SENP5: variants seen among roughly 807,000 people sequenced by gnomAD.
SENP5 encodes the protein sentrin-specific protease 5.
SENP5 carries 21 observed loss-of-function variants against 74.2 expected under a neutral mutation model. The ratio of observed to expected loss-of-function variants is 0.28; its 90% CI spans 0.20 to 0.41. The LOEUF is 0.41. Ranked by LOEUF, SENP5 falls within the 10% of genes least tolerant of loss-of-function variation. The probability of loss-of-function intolerance (pLI) is 1.00; values close to 1 mark genes in which losing one functional copy is unlikely to be tolerated. For missense variants in SENP5, 717 were observed against 889.1 expected (o/e 0.81, Z 2.46); for synonymous variants, 311 against 312.7 (o/e 0.99, Z 0.06).
chr3:196,918,337 CAA>C (rs1393504844), intron 6 of SENP5, among the ~76,000 whole-genome samples: 2 of 146,756 alleles, frequency 1.4e-5, no homozygotes, highest in African/African-American at 5.0e-5. Context: ...AACAAAAAGT[CAA>C]AGAGGGGGAT....
intron 2 of SENP5, among the ~76,000 whole-genome samples, chr3:196,890,670 C>T (rs987824853): frequency 2.0e-5 from 3 of 152,102 alleles, no homozygotes; most frequent in African/African-American, 4.8e-5. Context: ...GTTCTTGCTT[C>T]GCTTTAAAGT....
chr3:196,900,196 G>C, intron 4 of SENP5, 134 bp downstream of exon 4: 2 of 1,258,604 alleles, frequency 1.6e-6, no homozygotes, highest in East Asian at 2.5e-5. Flanking sequence ...CTTGCCCCAG[G>C]ATCCAAACGG....
chr3:196,870,835 C>A (rs1713183800), intron 1 of SENP5, among the ~76,000 whole-genome samples: 2 of 151,986 alleles, frequency 1.3e-5, no homozygotes, highest in Non-Finnish European at 2.9e-5. Context: ...TGTTGATTTT[C>A]TACAACCAGA....
At chr3:196,878,109 C>G (rs1210157551) in intron 1 of SENP5, among the ~76,000 whole-genome samples, 1 of 152,186 alleles carries the variant, frequency 6.6e-6, no homozygotes, top group Non-Finnish European at 1.5e-5. Flanking sequence ...GCAGAAAAGA[C>G]TAATGGCAAC....
chr3:196,928,086 G>C (rs996831339), intron 8 of SENP5, among the ~76,000 whole-genome samples: 1 of 152,116 alleles, frequency 6.6e-6, no homozygotes, highest in Non-Finnish European at 1.5e-5. Context: ...AATCACTTCA[G>C]TCATTTCCTC....
intron 6 of SENP5, chr3:196,912,958 A>G (rs1433660748): frequency 2.0e-5 from 3 of 152,250 alleles, no homozygotes; most frequent in Non-Finnish European, 4.4e-5. Context: ...TCATATTAAT[A>G]GCAGTTGAAA....
chr3:196,873,745 C>A (rs1329137741), intron 1 of SENP5, among the ~76,000 whole-genome samples: 1 of 152,068 alleles, frequency 6.6e-6, no homozygotes, highest in Non-Finnish European at 1.5e-5. Context: ...GAGGCTGAGG[C>A]AGGAGAATCC....
chr3:196,893,710 G>T lies in SENP5; in HGVS notation c.1514-5956G>T, dbSNP rs111403076. Among the ~76,000 whole-genome samples, 1,086 of 152,202 alleles carry T rather than the reference G, an allele frequency of 7.1e-3. 10 individuals carry two copies. Among genetic ancestry groups the T allele is most frequent in the African/African-American group, 0.025 (1,030 of 41,526 alleles). ...GGATCACCTGAGGTCAGGAGTTCAA[G>T]ACTAGCCTGACCAATATGGTGAAAC... On this transcript the variant is annotated intron_variant, in intron 2 of 9. Coordinates refer to ENST00000323460, the MANE Select transcript of SENP5 (RefSeq NM_152699.5).
chr3:196,868,858 A>T (rs936995838), intron 1 of SENP5, among the ~76,000 whole-genome samples: 5 of 128,004 alleles, frequency 3.9e-5, no homozygotes, highest in Admixed American at 1.6e-4. Flanking sequence ...TATCCAGGAC[A>T]CTTCATGATA....
chr3:196,895,432 C>T (rs1441551241), intron 2 of SENP5, among the ~76,000 whole-genome samples: 3 of 152,084 alleles, frequency 2.0e-5, no homozygotes, highest in African/African-American at 4.8e-5. Flanking sequence ...GTGATCCACC[C>T]GCTTCGGCTT....
chr3:196,911,413 G>A lies in SENP5; in HGVS notation c.1884+7803G>A, dbSNP rs144027666. 9.7e-4 allele frequency among the ~76,000 whole-genome samples: 148 copies of A among 152,104 alleles called. 2 individuals are homozygous for A. The East Asian group carries it at 0.024, about 25-fold the overall frequency. On this transcript the variant is annotated intron_variant, in intron 6 of 9. Transcript: ENST00000323460. ...GGCAAAGGATATGAACAGACACTTC[G>A]CAAAAGAAGACATTTATGTCTGTAG...
intron 2 of SENP5, among the ~76,000 whole-genome samples, chr3:196,893,652 G>A (rs1714309336): frequency 6.6e-6 from 1 of 152,154 alleles, no homozygotes; most frequent in Admixed American, 6.6e-5. Context: ...GCTCATGCCT[G>A]TAATCCCAGC....
intron 1 of SENP5, among the ~76,000 whole-genome samples, chr3:196,883,512 C>T (rs1713817160): frequency 6.6e-6 from 1 of 152,162 alleles, no homozygotes; most frequent in South Asian, 2.1e-4. Flanking sequence ...GGTCATCCTC[C>T]TCAGAAAGTG....
At chr3:196,877,969 G>A (rs1201056003) in intron 1 of SENP5, among the ~76,000 whole-genome samples, 2 of 152,108 alleles carry the variant, frequency 1.3e-5, no homozygotes, top group African/African-American at 4.8e-5. Flanking sequence ...TAAAGGTGGT[G>A]GATTGAATAT....
intron 1 of SENP5, among the ~76,000 whole-genome samples, chr3:196,881,999 C>T (rs1030339909): frequency 2.0e-5 from 3 of 149,134 alleles, no homozygotes; most frequent in Non-Finnish European, 3.0e-5. Context: ...CAGGTTCAAG[C>T]AATTCTCGTG....
Position 196,886,706 on chromosome 3 carries a change from TC to T in SENP5, c.1513+14del. On this transcript the variant is annotated intron_variant, in intron 2 of 9. Coordinates refer to ENST00000323460, the MANE Select transcript of SENP5 (RefSeq NM_152699.5). Reference sequence around the variant, plus strand: ...AGTCTGTCTTTCTGGTATGCACTTTTCCTTTATTCTCCCTCAAACTCCAAGC... The same window carrying T: ...AGTCTGTCTTTCTGGTATGCACTTTTCTTTATTCTCCCTCAAACTCCAAGC... The T allele has an allele frequency of 6.6e-7, 1 of 1,514,200 alleles. No individual in the cohort carries two copies. 93.8% of individuals were successfully genotyped at this position (1,514,200 alleles called of 1,614,324 possible). A position where few individuals can be genotyped will look rare whatever the true frequency, so the allele number is the denominator to read the frequency against.
In SENP5 at chr3:196,900,015, A is replaced by T; in HGVS notation, c.1711A>T (p.Met571Leu). 1 of 1,614,154 alleles carries T rather than the reference A, an allele frequency of 6.2e-7. No individual in the cohort carries two copies. Among genetic ancestry groups the T allele is most frequent in the African/African-American group, 1.3e-5 (1 of 75,058 alleles). The change falls in exon 4 of 10, where the codon ATG becomes TTG. Residue 571 changes from methionine (M) to leucine (L), a missense_variant. By Grantham distance (15) the Met-to-Leu change is conservative. Coordinates refer to ENST00000323460, the MANE Select transcript of SENP5 (RefSeq NM_152699.5). ...RIFYNKHMLD[M>L]DDLATLDGQN... ...CTTCTATAATAAACACATGCTGGATATGGACGACCTGGCGACTCTGGATGG... is the reference window on the plus strand; with the variant it reads ...CTTCTATAATAAACACATGCTGGATTTGGACGACCTGGCGACTCTGGATGG...
At chr3:196,924,253 A>C (rs1221771249) in intron 7 of SENP5, among the ~76,000 whole-genome samples, 1 of 152,218 alleles carries the variant, frequency 6.6e-6, no homozygotes, top group African/African-American at 2.4e-5. Flanking sequence ...CAATTGGATA[A>C]ATTTAACCAC....
intron 2 of SENP5, among the ~76,000 whole-genome samples, chr3:196,898,863 G>A (rs369686565): frequency 2.0e-5 from 3 of 151,862 alleles, no homozygotes; most frequent in South Asian, 4.2e-4. Context: ...ATTCAATTCC[G>A]TTCAATGATT....
Sources: gnomAD v4.1 joint callset for allele counts (sites outside exome capture counted in the v4.1 genomes callset) on GRCh38, gnomAD v4.1.1 for gene constraint, MANE v1.5 for transcripts, NCBI Gene and HGNC (gene_info 2026-07-23, HGNC 2026-07-21) for gene names.